The following TBC1D22B variants were observed in gnomAD, a reference collection of about 807,000 sequenced individuals.
TBC1D22B encodes TBC1 domain family member 22B.
In TBC1D22B, 32 loss-of-function variants were observed where a neutral mutation model predicts 69.1. The observed-to-expected ratio is 0.46, with a 90% CI of 0.35 to 0.62. The LOEUF (loss-of-function observed/expected upper bound fraction) is 0.62, where lower values mean the gene tolerates loss of function less well. Among genes scored for constraint, TBC1D22B ranks in the 20% least tolerant of loss-of-function variants. TBC1D22B has a pLI of 0.00. For synonymous variants in TBC1D22B, 206 were observed against 229.8 expected, an observed-to-expected ratio of 0.90 and a Z score of 0.94; for missense variants, 462 against 630.9, an observed-to-expected ratio of 0.73 and a Z score of 2.87.
intron 1 of TBC1D22B, among the ~76,000 whole-genome samples, chr6:37,265,007 G>A (rs1344326221): frequency 2.0e-5 from 3 of 152,210 alleles, no homozygotes; most frequent in African/African-American, 7.2e-5. Context: ...TTTAGTCTCT[G>A]TGATCATCTC....
chr6:37,263,969 T>C (rs148682380), intron 1 of TBC1D22B, among the ~76,000 whole-genome samples: 1 of 152,356 alleles, frequency 6.6e-6, no homozygotes, highest in African/African-American at 2.4e-5. Context: ...ATTATATCAT[T>C]TTCTGTACTT....
intron 7 of TBC1D22B, 144 bp downstream of exon 7, chr6:37,287,216 C>T (rs1000748534): frequency 6.7e-5 from 38 of 569,962 alleles, no homozygotes; most frequent in Non-Finnish European, 9.6e-5. Context: ...CATACATTTT[C>T]ATTTGATCTT....
At chr6:37,308,453 G>A (rs1165851171) in intron 8 of TBC1D22B, among the ~76,000 whole-genome samples, 1 of 152,170 alleles carries the variant, frequency 6.6e-6, no homozygotes, top group African/African-American at 2.4e-5. Flanking sequence ...CCACCCAGCA[G>A]GCAGAAAAAT....
chr6:37,283,672 A>G (rs73419902), intron 5 of TBC1D22B, among the ~76,000 whole-genome samples: 4,848 of 152,302 alleles, frequency 0.032, 244 homozygotes, highest in African/African-American at 0.11. Flanking sequence ...AAGTTTGAAT[A>G]CTATTCAGAG....
intron 8 of TBC1D22B, among the ~76,000 whole-genome samples, chr6:37,311,717 T>C (rs7750754): frequency 0.032 from 4,842 of 152,240 alleles, 242 homozygotes; most frequent in African/African-American, 0.11. Context: ...AGATTCTGAA[T>C]ACATTTTGTC....
chr6:37,273,195 A>C (rs970267647), intron 2 of TBC1D22B, among the ~76,000 whole-genome samples: 1 of 152,024 alleles, frequency 6.6e-6, no homozygotes, highest in Non-Finnish European at 1.5e-5. Context: ...AAAAAAAAAA[A>C]AAAAAAAAAA....
intron 6 of TBC1D22B, among the ~76,000 whole-genome samples, chr6:37,286,790 A>G (rs1035227022): frequency 2.6e-4 from 39 of 152,138 alleles, no homozygotes; most frequent in Admixed American, 2.3e-3. Flanking sequence ...CTAAAAATGC[A>G]AAAATTAGCC....
At chr6:37,328,151 T>C (rs1768484627) in intron 12 of TBC1D22B, among the ~76,000 whole-genome samples, 1 of 151,878 alleles carries the variant, frequency 6.6e-6, no homozygotes, top group African/African-American at 2.4e-5. Context: ...CCATCTCTAC[T>C]AAAAATACAA....
chr6:37,261,544 C>T (rs1259761335), intron 1 of TBC1D22B, among the ~76,000 whole-genome samples: 1 of 151,964 alleles, frequency 6.6e-6, no homozygotes, highest in African/African-American at 2.4e-5. Flanking sequence ...CCTCTCAATG[C>T]ATCAGTCTCC....
rs148874857 is a variant in TBC1D22B, at chr6:37,286,909, A to T, written c.802-98A>T. ...CAGTGAGCTGAGATAGTGCCATTGC[A>T]CTCCAGCCTGGGGGACAAGAGCGAG... On this transcript the variant is annotated intron_variant, in intron 6 of 12. Coordinates refer to ENST00000373491, the MANE Select transcript of TBC1D22B (RefSeq NM_017772.4). 1.2e-3 allele frequency: 1,327 copies of T among 1,062,668 alleles called. 12 individuals carry two copies. In the African/African-American group the frequency reaches 0.019, roughly 16 times the overall value. The allele number at this position is 1,062,668 out of a possible 1,614,324, so 65.8% of individuals were successfully genotyped here.
At chr6:37,297,720 AT>A (rs1767427531) in intron 8 of TBC1D22B, among the ~76,000 whole-genome samples, 1 of 152,354 alleles carries the variant, frequency 6.6e-6, no homozygotes, top group African/African-American at 2.4e-5. Context: ...TCAAAACAAC[AT>A]TCTACTGTAA....
At chr6:37,319,831 G>A (rs1353306012) in intron 12 of TBC1D22B, among the ~76,000 whole-genome samples, 3 of 152,338 alleles carry the variant, frequency 2.0e-5, no homozygotes, top group East Asian at 3.9e-4. Context: ...CATGGCAGAG[G>A]TGTGAGGAAC....
chr6:37,269,780 T>G (rs1015711871), intron 2 of TBC1D22B, 130 bp downstream of exon 2: 88 of 782,452 alleles, frequency 1.1e-4, no homozygotes, highest in Non-Finnish European at 1.9e-4. Flanking sequence ...GACCAGGAGA[T>G]GAGCAATGTT....
chr6:37,303,447 C>A (rs1767624274), intron 8 of TBC1D22B, among the ~76,000 whole-genome samples: 1 of 152,166 alleles, frequency 6.6e-6, no homozygotes, highest in African/African-American at 2.4e-5. Context: ...TAATCTGCTT[C>A]TTCTTCATTC....
In TBC1D22B at chr6:37,287,143, C is replaced by T. The variant is rs534769828; in HGVS notation, c.867+71C>T. The stretch of plus-strand genomic sequence containing the variant: ...TCTGTGGCACCTGTTTACAGGTTTG[C>T]GGCTAATCATAATAGTACCTTATGT... On this transcript the variant is annotated intron_variant, in intron 7 of 12. Transcript: ENST00000373491. The T allele has an allele frequency of 8.5e-5, 111 of 1,303,848 alleles. No homozygotes were observed. In the South Asian group the frequency reaches 1.0e-3, roughly 12 times the overall value. 80.8% of individuals were successfully genotyped at this position (1,303,848 alleles called of 1,614,324 possible).
At chr6:37,313,083 C>A (rs373873208) in intron 9 of TBC1D22B, 59 bp downstream of exon 9, 3 of 1,359,752 alleles carry the variant, frequency 2.2e-6, no homozygotes, top group Non-Finnish European at 2.1e-6. Context: ...CCCAGCAGGG[C>A]TTTGGTTTCT....
intron 8 of TBC1D22B, among the ~76,000 whole-genome samples, chr6:37,294,480 A>T (rs564061847): frequency 6.6e-6 from 1 of 152,176 alleles, no homozygotes; most frequent in South Asian, 2.1e-4. Context: ...CCAGCCTGCC[A>T]TCTAGGACTT....
At position 37,304,878 on chromosome 6, in the gene TBC1D22B, A is replaced by G. The variant is rs141203735; in HGVS notation, c.983-8040A>G. Among the ~76,000 whole-genome samples the G allele has an allele frequency of 1.3e-4, 20 of 152,358 alleles. 1 individual carries two copies. The East Asian group carries it at 3.1e-3, about 23-fold the overall frequency. The stretch of plus-strand genomic sequence containing the variant: ...TATTTGTAGGATTGAGATAAGTGCT[A>G]TGGATAGAAACAAAGCAAGAAAGAG... On this transcript the variant is annotated intron_variant, in intron 8 of 12. Transcript: ENST00000373491.
intron 2 of TBC1D22B, among the ~76,000 whole-genome samples, chr6:37,275,719 A>G (rs1446015874): frequency 6.6e-6 from 1 of 151,696 alleles, no homozygotes; most frequent in Non-Finnish European, 1.5e-5. Context: ...TGAGTATTCA[A>G]TATTTATGAA....
Sources: gnomAD v4.1 joint callset for allele counts (sites outside exome capture counted in the v4.1 genomes callset) on GRCh38, gnomAD v4.1.1 for gene constraint, MANE v1.5 for transcripts, NCBI Gene and HGNC (gene_info 2026-07-23, HGNC 2026-07-21) for gene names.